The following TNFSF13B variants were observed in gnomAD, a reference collection of about 807,000 sequenced individuals.
TNFSF13B encodes TNF superfamily member 13b.
Under a neutral mutation model 29.1 loss-of-function variants are expected in TNFSF13B, and 8 were observed. The ratio of observed to expected loss-of-function variants is 0.27; its 90% CI spans 0.16 to 0.50. The LOEUF (loss-of-function observed/expected upper bound fraction) is 0.50. Among genes scored for constraint, TNFSF13B ranks in the 20% least tolerant of loss-of-function variants. The probability of loss-of-function intolerance (pLI) is 0.98; values close to 1 mark genes in which losing one functional copy is unlikely to be tolerated. For synonymous variants in TNFSF13B, 125 were observed against 130.8 expected (o/e 0.96, Z 0.30); for missense variants, 248 against 334.9 (o/e 0.74, Z 2.03).
chr13:108,302,776 G>A (rs1159225071), intron 3 of TNFSF13B: 1 of 982,092 alleles, frequency 1.0e-6, no homozygotes, highest in Non-Finnish European at 1.2e-6. Context: ...TCTTCCGTAG[G>A]CTCCCTTCTG....
rs1015382114 is a variant in TNFSF13B, at chr13:108,298,301, G to T, written c.482-4952G>T. Among the ~76,000 whole-genome samples, 4 of 144,786 alleles carry T rather than the reference G, an allele frequency of 2.8e-5. 1 individual carries two copies. The highest frequency in any genetic ancestry group is 1.0e-4 in the African/African-American group (4 of 38,394). The allele number at this position is 144,786 out of a possible 152,430, so 95.0% of individuals were successfully genotyped here. A position where few individuals can be genotyped will look rare whatever the true frequency, so the allele number is the denominator to read the frequency against. ...AAAAATGAAGTTAAAAAAGAATAAC[G>T]AAAAGTGAACAGATTATAAGAGACC... On this transcript the variant is annotated intron_variant, in intron 3 of 5. Transcript: ENST00000375887.
Position 108,270,042 on chromosome 13 carries a change from T to C in TNFSF13B, c.147T>C (p.Ala49=). 1.2e-6 allele frequency: 2 copies of C among 1,611,344 alleles called. No individual in the cohort carries two copies. The highest frequency in any genetic ancestry group is 2.2e-5 in the East Asian group (1 of 44,870). The change falls in exon 1 of 6, where the codon GCT becomes GCC. Residue 49 remains alanine, a synonymous_variant. Transcript: ENST00000375887. Reference sequence around the variant, plus strand: ...CCTCCAAAGACGGAAAGCTGCTGGCTGCAACCTTGCTGCTGGCACTGCTGT... The same window carrying C: ...CCTCCAAAGACGGAAAGCTGCTGGCCGCAACCTTGCTGCTGGCACTGCTGT... ...VRSSKDGKLL[A]ATLLLALLSC...
intron 2 of TNFSF13B, among the ~76,000 whole-genome samples, chr13:108,282,643 A>C (rs978784476): frequency 3.3e-4 from 50 of 152,264 alleles, no homozygotes; most frequent in Admixed American, 2.1e-3. Context: ...TTTTGTGATC[A>C]TTATAATATT....
Position 108,270,251 on chromosome 13 carries a change from T to C in TNFSF13B, c.339+17T>C. 1.2e-6 allele frequency: 2 copies of C among 1,610,144 alleles called. No individual in the cohort carries two copies. Among genetic ancestry groups the C allele is most frequent in the African/African-American group, 1.3e-5 (1 of 74,960 alleles). ...GGACTGAAAGTGAGTTTGCAGCAGC[T>C]GCAAGACGCAGGCAAGATCCTGCCT... On this transcript the variant is annotated intron_variant, in intron 1 of 5. Coordinates refer to ENST00000375887, the MANE Select transcript of TNFSF13B (RefSeq NM_006573.5).
chr13:108,302,839 G>C, intron 3 of TNFSF13B: 1 of 986,776 alleles, frequency 1.0e-6, no homozygotes, highest in Non-Finnish European at 1.2e-6. Context: ...GAAACATTTT[G>C]CCAAACTCTT....
chr13:108,276,933 G>A (rs1880778862), intron 2 of TNFSF13B, among the ~76,000 whole-genome samples: 1 of 152,072 alleles, frequency 6.6e-6, no homozygotes, highest in Admixed American at 6.5e-5. Context: ...TTGAGCAGCT[G>A]CATTTTTGTT....
intron 5 of TNFSF13B, among the ~76,000 whole-genome samples, chr13:108,304,694 G>A (rs948085809): frequency 6.6e-6 from 1 of 152,174 alleles, no homozygotes; most frequent in Non-Finnish European, 1.5e-5. Context: ...AGGAACGGAG[G>A]CTGGCTATGC....
chr13:108,296,260 T>A (rs911954708), intron 3 of TNFSF13B, among the ~76,000 whole-genome samples: 1 of 145,904 alleles, frequency 6.9e-6, no homozygotes, highest in Non-Finnish European at 1.5e-5. Context: ...TCTGCTTATA[T>A]CTTGAGGTTC....
At chr13:108,274,345 GTACAAATATATACACA>G (rs941188783) in intron 2 of TNFSF13B, among the ~76,000 whole-genome samples, 10 of 128,234 alleles carry the variant, frequency 7.8e-5, no homozygotes, top group African/African-American at 2.7e-4. Flanking sequence ...ACAAATATAT[GTACAAATATATACACA>G]TACAAATATA....
chr13:108,295,611 T>A (rs1594530692), intron 3 of TNFSF13B, among the ~76,000 whole-genome samples: 1 of 145,746 alleles, frequency 6.9e-6, no homozygotes, highest in East Asian at 1.9e-4. Flanking sequence ...CTATTTCTAT[T>A]TCCTTAAGCT....
intron 2 of TNFSF13B, 55 bp from the exon 3 acceptor site, chr13:108,286,748 A>T: frequency 8.2e-7 from 1 of 1,222,938 alleles, no homozygotes; most frequent in South Asian, 1.3e-5. Flanking sequence ...TTGTGTTCTC[A>T]GTTTCTTTAT....
chr13:108,302,303 T>C (rs914675167), intron 3 of TNFSF13B, among the ~76,000 whole-genome samples: 4 of 152,206 alleles, frequency 2.6e-5, no homozygotes, highest in Non-Finnish European at 5.9e-5. Context: ...AGCTCTATTT[T>C]ACTATTTTAT....
At chr13:108,282,289 G>T (rs1880980229) in intron 2 of TNFSF13B, among the ~76,000 whole-genome samples, 1 of 152,162 alleles carries the variant, frequency 6.6e-6, no homozygotes, top group Non-Finnish European at 1.5e-5. Context: ...CATATAATCT[G>T]CAGTAATTGC....
chr13:108,280,817 G>A (rs1880924989), intron 2 of TNFSF13B, among the ~76,000 whole-genome samples: 1 of 151,926 alleles, frequency 6.6e-6, no homozygotes, highest in South Asian at 2.1e-4. Context: ...TAAAATATGA[G>A]TGGATATGTG....
At chr13:108,306,734 T>C (rs994686321) in intron 5 of TNFSF13B, 92 bp from the exon 6 acceptor site, 1 of 774,940 alleles carries the variant, frequency 1.3e-6, no homozygotes, top group Non-Finnish European at 2.1e-6. Context: ...ATGTTAACAT[T>C]TTTTTTTTAC....
chr13:108,274,272 T>C (rs962013850), intron 2 of TNFSF13B, among the ~76,000 whole-genome samples: 2 of 141,564 alleles, frequency 1.4e-5, no homozygotes, highest in African/African-American at 4.9e-5. Context: ...CAACTGTATT[T>C]GTTCATATAC....
intron 3 of TNFSF13B, among the ~76,000 whole-genome samples, chr13:108,299,779 T>C (rs1822831863): frequency 6.6e-6 from 1 of 151,966 alleles, no homozygotes; most frequent in Admixed American, 6.6e-5. Context: ...TGTGCGTATG[T>C]GTGTGTGTGG....
At chr13:108,290,318 T>G (rs1466323383) in intron 3 of TNFSF13B, among the ~76,000 whole-genome samples, 1 of 152,192 alleles carries the variant, frequency 6.6e-6, no homozygotes, top group Non-Finnish European at 1.5e-5. Flanking sequence ...GTCCATCTTT[T>G]GCAATGCAGG....
At chr13:108,288,756 C>T (rs373857949) in intron 3 of TNFSF13B, among the ~76,000 whole-genome samples, 5 of 152,086 alleles carry the variant, frequency 3.3e-5, no homozygotes, top group South Asian at 2.1e-4. Context: ...GTAGATGAGA[C>T]GAAATGCTGT....
Sources: gnomAD v4.1 joint callset for allele counts (sites outside exome capture counted in the v4.1 genomes callset) on GRCh38, gnomAD v4.1.1 for gene constraint, MANE v1.5 for transcripts, NCBI Gene and HGNC (gene_info 2026-07-23, HGNC 2026-07-21) for gene names.